The following GPM6A variants were observed in gnomAD, a reference collection of about 807,000 sequenced individuals.
GPM6A encodes neuronal membrane glycoprotein M6-a.
GPM6A carries 7 observed loss-of-function variants against 32.1 expected under a neutral mutation model. The observed-to-expected ratio is 0.22, with a 90% CI of 0.12 to 0.41. The LOEUF (loss-of-function observed/expected upper bound fraction) is 0.41. Ranked by LOEUF, GPM6A falls within the 10% of genes least tolerant of loss-of-function variation. The pLI is 1.00. For missense variants in GPM6A, 235 were observed against 347.2 expected (o/e 0.68, Z 2.57); for synonymous variants, 130 against 123.4 (o/e 1.05, Z -0.35).
intron 1 of GPM6A, among the ~76,000 whole-genome samples, chr4:175,950,893 G>A (rs1365418637): frequency 6.6e-6 from 1 of 152,090 alleles, no homozygotes; most frequent in Non-Finnish European, 1.5e-5. Flanking sequence ...ATATTTAGTT[G>A]AGTAAGAAAG....
At chr4:175,728,077 T>G (rs998475786) in intron 1 of GPM6A, among the ~76,000 whole-genome samples, 2 of 152,054 alleles carry the variant, frequency 1.3e-5, no homozygotes, top group African/African-American at 4.8e-5. Context: ...ATCTCACTTC[T>G]TACATACTTC....
At chr4:175,648,056 T>C (rs1411091307) in intron 4 of GPM6A, among the ~76,000 whole-genome samples, 1 of 152,166 alleles carries the variant, frequency 6.6e-6, no homozygotes, top group Non-Finnish European at 1.5e-5. Flanking sequence ...AGAATAATTT[T>C]AACCACATAT....
chr4:175,950,643 T>C (rs1405236920), intron 1 of GPM6A, among the ~76,000 whole-genome samples: 2 of 152,128 alleles, frequency 1.3e-5, no homozygotes, highest in Non-Finnish European at 2.9e-5. Context: ...AGTCAACAGA[T>C]TGGGCAGTGC....
intron 2 of GPM6A, among the ~76,000 whole-genome samples, chr4:175,684,383 C>T (rs879331784): frequency 2.0e-5 from 3 of 152,162 alleles, no homozygotes; most frequent in Admixed American, 2.0e-4. Context: ...TACCTACACC[C>T]AGAGGAATTC....
At chr4:175,824,378 G>C (rs1735369926) in intron 1 of GPM6A, among the ~76,000 whole-genome samples, 1 of 152,182 alleles carries the variant, frequency 6.6e-6, no homozygotes, top group Non-Finnish European at 1.5e-5. Context: ...CAAGTAAGCA[G>C]TAAGCAACCC....
chr4:175,988,398 G>A (rs1419791184), intron 1 of GPM6A, among the ~76,000 whole-genome samples: 1 of 152,150 alleles, frequency 6.6e-6, no homozygotes, highest in African/African-American at 2.4e-5. Context: ...AGACAAGAAT[G>A]CTTAATCAAC....
chr4:175,750,100 C>T (rs970476168), intron 1 of GPM6A, among the ~76,000 whole-genome samples: 1 of 152,076 alleles, frequency 6.6e-6, no homozygotes, highest in Non-Finnish European at 1.5e-5. Flanking sequence ...ACTTTGTTGC[C>T]TAGGCTGGAG....
At chr4:175,891,235 C>T (rs1412869634) in intron 1 of GPM6A, among the ~76,000 whole-genome samples, 1 of 152,160 alleles carries the variant, frequency 6.6e-6, no homozygotes, top group East Asian at 1.9e-4. Context: ...ACAAGTATGA[C>T]CAAATCTCCT....
At chr4:175,946,484 T>C (rs537508707) in intron 1 of GPM6A, among the ~76,000 whole-genome samples, 61 of 152,268 alleles carry the variant, frequency 4.0e-4, no homozygotes, top group Non-Finnish European at 7.4e-4. Context: ...AATTACACTA[T>C]TTAGATGATG....
chr4:175,802,080 C>A (rs903156180), intron 1 of GPM6A, among the ~76,000 whole-genome samples: 1 of 152,026 alleles, frequency 6.6e-6, no homozygotes, highest in Non-Finnish European at 1.5e-5. Flanking sequence ...CATGGAAATA[C>A]ATGCTTGCTG....
At chr4:175,960,951 G>T (rs1454561954) in intron 1 of GPM6A, among the ~76,000 whole-genome samples, 1 of 152,124 alleles carries the variant, frequency 6.6e-6, no homozygotes, top group African/African-American at 2.4e-5. Flanking sequence ...ATGAATTAGG[G>T]ACAAAAGCAA....
intron 1 of GPM6A, among the ~76,000 whole-genome samples, chr4:175,963,324 A>G (rs1406675880): frequency 6.6e-6 from 1 of 152,168 alleles, no homozygotes; most frequent in Non-Finnish European, 1.5e-5. Flanking sequence ...AACACCAAGT[A>G]GGATAAATAC....
chr4:175,954,283 C>T (rs183972503), intron 1 of GPM6A, among the ~76,000 whole-genome samples: 145 of 152,290 alleles, frequency 9.5e-4, no homozygotes, highest in Admixed American at 7.9e-3. Flanking sequence ...CAACAGAGAT[C>T]TAGAACGTTT....
At chr4:175,802,037 T>C (rs1441543710) in intron 1 of GPM6A, among the ~76,000 whole-genome samples, 1 of 152,022 alleles carries the variant, frequency 6.6e-6, no homozygotes, top group Non-Finnish European at 1.5e-5. Context: ...TGGAGGGGGT[T>C]CAAAGTTGCT....
intron 1 of GPM6A, among the ~76,000 whole-genome samples, chr4:175,923,215 T>TTA (rs201557656): frequency 0.032 from 851 of 26,604 alleles, 12 homozygotes; most frequent in African/African-American, 0.06. Context: ...ATAACATGAT[T>TTA]TATATATATA....
At chr4:175,713,606 C>G (rs1006462202) in intron 1 of GPM6A, among the ~76,000 whole-genome samples, 1 of 152,046 alleles carries the variant, frequency 6.6e-6, no homozygotes, top group Non-Finnish European at 1.5e-5. Context: ...AGCACAAAGT[C>G]AAAGTAAATA....
chr4:175,753,006 T>C (rs1456098789), intron 1 of GPM6A, among the ~76,000 whole-genome samples: 1 of 152,186 alleles, frequency 6.6e-6, no homozygotes, highest in African/African-American at 2.4e-5. Flanking sequence ...AGTATTCCCA[T>C]GCGCTGAAAC....
intron 1 of GPM6A, among the ~76,000 whole-genome samples, chr4:175,798,862 CAA>C (rs933758627): frequency 6.6e-6 from 1 of 151,946 alleles, no homozygotes; most frequent in Non-Finnish European, 1.5e-5. Flanking sequence ...GCAATTTTAC[CAA>C]GGGAAATGTA....
At chr4:175,970,244 CA>C (rs1740459343) in intron 1 of GPM6A, among the ~76,000 whole-genome samples, 1 of 152,074 alleles carries the variant, frequency 6.6e-6, no homozygotes, top group Non-Finnish European at 1.5e-5. Flanking sequence ...AGAAACACAC[CA>C]GACTTGTGCT....
Sources: allele counts gnomAD v4.1 joint callset (sites outside exome capture counted in the v4.1 genomes callset), GRCh38; gene constraint gnomAD v4.1.1; transcripts MANE v1.5; gene names NCBI Gene and HGNC (gene_info 2026-07-23, HGNC 2026-07-21).